Variants in RANBP2 observed in about 807,000 individuals in gnomAD.
RANBP2 encodes the protein E3 SUMO-protein ligase RanBP2.
A neutral mutation model predicts 303.6 loss-of-function variants in RANBP2; 57 were observed. The observed-to-expected ratio is 0.19, with a 90% CI of 0.15 to 0.23. The LOEUF is 0.23. Among genes scored for constraint, RANBP2 ranks in the 10% least tolerant of loss-of-function variants. The pLI is 1.00. For missense variants in RANBP2, 3,138 were observed against 3,780.8 expected, an observed-to-expected ratio of 0.83 and a Z score of 4.46; for synonymous variants, 1,167 against 1,301.5, an observed-to-expected ratio of 0.90 and a Z score of 2.23.
chr2:109,454,938 ACT>A, the RANBP2 span, among the ~76,000 whole-genome samples: 1 of 152,058 alleles, frequency 6.6e-6, no homozygotes, highest in East Asian at 1.9e-4. Context: ...AAAAAAGTTA[ACT>A]CTCTCTTTAT....
downstream of RANBP2, among the ~76,000 whole-genome samples, chr2:108,790,223 C>T (rs968604577): frequency 3.3e-5 from 5 of 151,888 alleles, no homozygotes; most frequent in Admixed American, 6.6e-5. Context: ...ACATGAGCTA[C>T]GTTGAATGTA....
At position 108,749,458 on chromosome 2, in the gene RANBP2, G is replaced by A. The variant is rs370354913; in HGVS notation, c.1273+329G>A. On this transcript the variant is annotated intron_variant, in intron 9 of 28. Coordinates refer to ENST00000283195, the MANE Select transcript of RANBP2 (RefSeq NM_006267.5). Reference sequence around the variant, plus strand: ...ATTACAAATGCCCGCCATCACGCCCGGCTAATTTTTTGTATTTTTAGTAGA... The same window carrying A: ...ATTACAAATGCCCGCCATCACGCCCAGCTAATTTTTTGTATTTTTAGTAGA... Among the ~76,000 whole-genome samples the A allele has an allele frequency of 3.9e-5, 6 of 152,100 alleles. No individual in the cohort carries two copies. The South Asian group carries it at 8.3e-4, about 21-fold the overall frequency.
the RANBP2 span, chr2:109,617,538 C>G: frequency 6.0e-6 from 1 of 167,038 alleles, no homozygotes; most frequent in African/African-American, 2.4e-5. Context: ...AACAAGTCCT[C>G]CTTTAGTCTT....
chr2:108,852,372 C>T, the RANBP2 span, among the ~76,000 whole-genome samples: 6 of 152,140 alleles, frequency 3.9e-5, no homozygotes, highest in South Asian at 2.1e-4. Flanking sequence ...AAGACAAATG[C>T]CATTCAACCC....
At chr2:109,117,814 C>T in the RANBP2 span, among the ~76,000 whole-genome samples, 2 of 152,322 alleles carry the variant, frequency 1.3e-5, no homozygotes, top group Admixed American at 6.5e-5. Flanking sequence ...AGCAAGGCTA[C>T]AGTAATATTT....
chr2:108,982,047 G>A, the RANBP2 span, among the ~76,000 whole-genome samples: 4 of 152,248 alleles, frequency 2.6e-5, no homozygotes, highest in African/African-American at 9.6e-5. Flanking sequence ...AGGGACAGAT[G>A]TTTAACGGCT....
chr2:108,980,787 G>A, the RANBP2 span, among the ~76,000 whole-genome samples: 3 of 152,270 alleles, frequency 2.0e-5, no homozygotes, highest in East Asian at 5.8e-4. Flanking sequence ...GGCCAGAGTG[G>A]GGTCACGGTG....
the RANBP2 span, among the ~76,000 whole-genome samples, chr2:109,453,749 C>T: frequency 6.6e-6 from 1 of 152,162 alleles, no homozygotes; most frequent in Non-Finnish European, 1.5e-5. Context: ...GGTAAACAGG[C>T]GATTGATTGC....
At chr2:109,633,917 C>T in the RANBP2 span, among the ~76,000 whole-genome samples, 5 of 151,750 alleles carry the variant, frequency 3.3e-5, no homozygotes, top group Non-Finnish European at 7.4e-5. Flanking sequence ...GTTAGGAGTT[C>T]GAGACTAGCC....
the RANBP2 span, among the ~76,000 whole-genome samples, chr2:109,610,058 G>A: frequency 1.3e-5 from 2 of 151,610 alleles, no homozygotes; most frequent in African/African-American, 4.8e-5. Context: ...ATCACTAGCT[G>A]TGATTCCTTA....
At chr2:108,862,849 G>A in the RANBP2 span, among the ~76,000 whole-genome samples, 1 of 152,120 alleles carries the variant, frequency 6.6e-6, no homozygotes, top group Non-Finnish European at 1.5e-5. Context: ...ATATTTGCAG[G>A]TAGGCTATGT....
the RANBP2 span, among the ~76,000 whole-genome samples, chr2:109,137,992 C>T: frequency 6.6e-6 from 1 of 152,192 alleles, no homozygotes; most frequent in Non-Finnish European, 1.5e-5. Context: ...AATGCAATGG[C>T]AGACACATAC....
At chr2:109,185,408 G>T in the RANBP2 span, among the ~76,000 whole-genome samples, 1 of 152,210 alleles carries the variant, frequency 6.6e-6, no homozygotes, top group South Asian at 2.1e-4. Flanking sequence ...GGAACCTAAA[G>T]AAAAATTCTT....
At chr2:109,634,233 T>A in the RANBP2 span, among the ~76,000 whole-genome samples, 21 of 142,928 alleles carry the variant, frequency 1.5e-4, 1 homozygote, top group South Asian at 4.9e-3. Context: ...AAAATACCAG[T>A]CACCGATCAG....
intron 25 of RANBP2, among the ~76,000 whole-genome samples, chr2:108,780,530 C>CT (rs774240154): frequency 0.012 from 1,483 of 120,586 alleles, 17 homozygotes; most frequent in Non-Finnish European, 0.018. Context: ...ACACTGCTAA[C>CT]TTTTTTTTTT....
chr2:108,969,374 T>C, the RANBP2 span, among the ~76,000 whole-genome samples: 3 of 152,192 alleles, frequency 2.0e-5, no homozygotes, highest in East Asian at 3.9e-4. Flanking sequence ...CTGGCTAAGT[T>C]CGGATGGTTG....
At chr2:108,915,437 G>A in the RANBP2 span, among the ~76,000 whole-genome samples, 2 of 152,230 alleles carry the variant, frequency 1.3e-5, no homozygotes, top group African/African-American at 4.8e-5. Flanking sequence ...GGGCAGCTAT[G>A]TCATAGGGTA....
chr2:109,620,362 T>C, the RANBP2 span, among the ~76,000 whole-genome samples: 2 of 152,204 alleles, frequency 1.3e-5, no homozygotes, highest in African/African-American at 4.8e-5. Flanking sequence ...TTATTAGAAC[T>C]GTACTTCGTG....
chr2:109,491,365 G>A, the RANBP2 span, among the ~76,000 whole-genome samples: 32 of 152,284 alleles, frequency 2.1e-4, no homozygotes, highest in Admixed American at 7.2e-4. Context: ...CCCACTCGGC[G>A]TCTTAGAATT....
Sources: gnomAD v4.1 joint callset for allele counts (sites outside exome capture counted in the v4.1 genomes callset) on GRCh38, gnomAD v4.1.1 for gene constraint, MANE v1.5 for transcripts, NCBI Gene and HGNC (gene_info 2026-07-23, HGNC 2026-07-21) for gene names.